The following CDH7 variants were observed in gnomAD, a reference collection of about 807,000 sequenced individuals.
CDH7 encodes the protein cadherin-7.
CDH7 carries 25 observed loss-of-function variants against 71.8 expected under a neutral mutation model. That is an observed-to-expected ratio of 0.35 (90% confidence interval 0.25 to 0.49). CDH7 has a LOEUF of 0.49. Among genes scored for constraint, CDH7 ranks in the 20% least tolerant of loss-of-function variants. The pLI, the probability that CDH7 is intolerant of heterozygous loss-of-function variation, is 0.99. For missense variants in CDH7, 862 were observed against 974.6 expected, an observed-to-expected ratio of 0.88 and a Z score of 1.54; for synonymous variants, 381 against 363.8, an observed-to-expected ratio of 1.05 and a Z score of -0.54.
At chr18:65,867,553 T>G (rs1363973962) in intron 11 of CDH7, among the ~76,000 whole-genome samples, 2 of 152,196 alleles carry the variant, frequency 1.3e-5, no homozygotes, top group Non-Finnish European at 2.9e-5. Context: ...ATTTCAACTG[T>G]TTTGTTTAAA....
chr18:65,777,386 G>A (rs1450596290), intron 2 of CDH7, among the ~76,000 whole-genome samples: 1 of 151,936 alleles, frequency 6.6e-6, no homozygotes, highest in South Asian at 2.1e-4. Context: ...CATGTTAAAC[G>A]TACCAAAAGC....
At chr18:65,759,608 C>T (rs1158203368) in intron 1 of CDH7, among the ~76,000 whole-genome samples, 1 of 151,994 alleles carries the variant, frequency 6.6e-6, no homozygotes. Context: ...AAAGAGCTAA[C>T]AAAATCAATT....
intron 2 of CDH7, among the ~76,000 whole-genome samples, chr18:65,775,547 T>C (rs1393288148): frequency 6.6e-6 from 1 of 152,188 alleles, no homozygotes; most frequent in African/African-American, 2.4e-5. Flanking sequence ...TAAAACAACC[T>C]AAAGGATAAG....
intron 11 of CDH7, among the ~76,000 whole-genome samples, chr18:65,864,454 G>A: frequency 6.6e-6 from 1 of 151,154 alleles, no homozygotes; most frequent in East Asian, 1.9e-4. Flanking sequence ...TTTATGTGTG[G>A]CCTAAGACAA....
intron 6 of CDH7, among the ~76,000 whole-genome samples, chr18:65,835,144 G>T (rs971820164): frequency 2.6e-5 from 4 of 152,116 alleles, no homozygotes; most frequent in Non-Finnish European, 5.9e-5. Context: ...TACCTGGGCT[G>T]GTTCCAAGAA....
chr18:65,830,715 T>TTCTC lies in CDH7; in HGVS notation c.981+5894_981+5897dup, dbSNP rs1419228492. 9.9e-5 allele frequency among the ~76,000 whole-genome samples: 9 copies of TTCTC among 91,186 alleles called. 1 individual carries two copies. Among genetic ancestry groups the TTCTC allele is most frequent in the South Asian group, 5.0e-4 (1 of 2,002 alleles). The allele number at this position is 91,186 out of a possible 152,430, so 59.8% of individuals were successfully genotyped here. A position where few individuals can be genotyped will look rare whatever the true frequency, so the allele number is the denominator to read the frequency against. On this transcript the variant is annotated intron_variant, in intron 6 of 11. Coordinates refer to ENST00000397968, the MANE Select transcript of CDH7 (RefSeq NM_004361.5). ...CCTTCTCTTTCTTTCTTTTTCTTCT[T>TTCTC]TCTCTCTCTCTCTTTCTTTCTTTCT...
At chr18:65,792,990 T>C (rs1910768351) in intron 2 of CDH7, among the ~76,000 whole-genome samples, 1 of 152,192 alleles carries the variant, frequency 6.6e-6, no homozygotes, top group African/African-American at 2.4e-5. Context: ...CTGTACTCCG[T>C]GGAGCATCAG....
At chr18:65,864,592 A>T (rs1410220608) in intron 11 of CDH7, among the ~76,000 whole-genome samples, 1 of 151,956 alleles carries the variant, frequency 6.6e-6, no homozygotes, top group Non-Finnish European at 1.5e-5. Context: ...AGAAGATTTA[A>T]AAATTACATT....
At chr18:65,824,959 C>T (rs1912075132) in intron 6 of CDH7, 128 bp downstream of exon 6, 1 of 569,224 alleles carries the variant, frequency 1.8e-6, no homozygotes, top group African/African-American at 1.9e-5. Context: ...GTAAGATAAG[C>T]TATACATTTA....
At chr18:65,823,156 A>C (rs554923264) in intron 5 of CDH7, among the ~76,000 whole-genome samples, 56 of 151,904 alleles carry the variant, frequency 3.7e-4, no homozygotes, top group African/African-American at 1.3e-3. Flanking sequence ...TCCTTCAATG[A>C]CTGCTGCTTT....
rs541922396 is a variant in CDH7 at position 65,837,195 on chromosome 18, G to T, written c.982-6617G>T. Among the ~76,000 whole-genome samples, 6 of 152,316 alleles carry T rather than the reference G, an allele frequency of 3.9e-5. No homozygotes were observed. The East Asian group carries it at 1.2e-3, about 29-fold the overall frequency. ...CTACCTACTAAGATCACTTGCTGCT[G>T]TGAAAGCAAAAATTGCACAGGACAG... On this transcript the variant is annotated intron_variant, in intron 6 of 11. Coordinates refer to ENST00000397968, the MANE Select transcript of CDH7 (RefSeq NM_004361.5).
At chr18:65,835,810 A>G (rs943599424) in intron 6 of CDH7, among the ~76,000 whole-genome samples, 4 of 152,200 alleles carry the variant, frequency 2.6e-5, no homozygotes, top group African/African-American at 4.8e-5. Flanking sequence ...GGTAGACACA[A>G]TAATGCCTCC....
At chr18:65,806,690 A>G in intron 2 of CDH7, among the ~76,000 whole-genome samples, 1 of 151,900 alleles carries the variant, frequency 6.6e-6, no homozygotes, top group Non-Finnish European at 1.5e-5. Context: ...GTGAGTGTGC[A>G]CGTGCCTGCA....
intron 2 of CDH7, among the ~76,000 whole-genome samples, chr18:65,784,477 C>G (rs1910440670): frequency 6.6e-6 from 1 of 152,106 alleles, no homozygotes; most frequent in Non-Finnish European, 1.5e-5. Context: ...AAAGGAGAAT[C>G]AGCTTCTCAC....
chr18:65,803,720 A>G (rs1391777519), intron 2 of CDH7: 1 of 152,060 alleles, frequency 6.6e-6, no homozygotes, highest in Non-Finnish European at 1.5e-5. Context: ...TCTGCCAATC[A>G]TTGTTTAAAT....
rs1172575748 is a variant in CDH7 at position 65,846,413 on chromosome 18, A to AT, written c.1235+2349dup. Reference sequence around the variant, plus strand: ...ACATCGTTATCTCACAAATAGAGAAATAGATAGACTTTGTCCCCAGTGAAT... The same window carrying AT: ...ACATCGTTATCTCACAAATAGAGAAATTAGATAGACTTTGTCCCCAGTGAAT... On this transcript the variant is annotated intron_variant, in intron 7 of 11. Transcript: ENST00000397968. Among the ~76,000 whole-genome samples the AT allele has an allele frequency of 2.0e-5, 3 of 152,196 alleles. No homozygotes were observed. In the East Asian group the frequency reaches 5.8e-4, roughly 29 times the overall value.
chr18:65,763,592 GGGGTGTGTGT>G (rs1253529474), intron 2 of CDH7, among the ~76,000 whole-genome samples: 60 of 130,962 alleles, frequency 4.6e-4, no homozygotes, highest in South Asian at 4.6e-4. Flanking sequence ...TTTTGATAGG[GGGGTGTGTGT>G]GTGTGTGTGT....
In CDH7 at chr18:65,848,099, A is replaced by G. The variant is rs116676341; in HGVS notation, c.1235+4034A>G. ...AAGTACTCAATATCGGGCTTTATCTATTGAACTTGGAAGGACAGATTGTGG... is the reference window on the plus strand; with the variant it reads ...AAGTACTCAATATCGGGCTTTATCTGTTGAACTTGGAAGGACAGATTGTGG... On this transcript the variant is annotated intron_variant, in intron 7 of 11. Transcript: ENST00000397968. Among the ~76,000 whole-genome samples the G allele has an allele frequency of 3.4e-3, 514 of 152,148 alleles. 2 individuals carry two copies. The highest frequency in any genetic ancestry group is 0.012 in the African/African-American group (486 of 41,526).
At chr18:65,773,849 G>C (rs1278709220) in intron 2 of CDH7, among the ~76,000 whole-genome samples, 1 of 151,978 alleles carries the variant, frequency 6.6e-6, no homozygotes, top group Non-Finnish European at 1.5e-5. Flanking sequence ...AGGATTTTGA[G>C]TTTTAGGATG....
Sources: allele counts gnomAD v4.1 joint callset (sites outside exome capture counted in the v4.1 genomes callset), GRCh38; gene constraint gnomAD v4.1.1; transcripts MANE v1.5; gene names NCBI Gene and HGNC (gene_info 2026-07-23, HGNC 2026-07-21).